Variants in TMEM255A observed in about 807,000 individuals in gnomAD.
TMEM255A encodes family with sequence similarity 70, member A.
TMEM255A carries 14 observed loss-of-function variants against 23.5 expected under a neutral mutation model. That is an observed-to-expected ratio of 0.60 (90% CI 0.39 to 0.93). The LOEUF is 0.93. TMEM255A is among the 40% of genes least tolerant of loss of function. The pLI is 0.00. For synonymous variants in TMEM255A, 104 were observed against 100.3 expected (o/e 1.04, Z -0.22); for missense variants, 233 against 261.7 (o/e 0.89, Z 0.76).
intron 8 of TMEM255A, among the ~76,000 whole-genome samples, chrX:120,261,430 G>A (rs1325529036): frequency 8.9e-6 from 1 of 112,441 alleles, no homozygotes; most frequent in Admixed American, 9.4e-5. Context: ...AACATTTAAT[G>A]ATATTAAGCC....
intron 8 of TMEM255A, among the ~76,000 whole-genome samples, chrX:120,264,194 C>G (rs1378323463): frequency 1.8e-5 from 2 of 111,322 alleles, no homozygotes; most frequent in African/African-American, 6.5e-5. Flanking sequence ...AATTTCCCAG[C>G]AGAAGTGAAA....
intron 8 of TMEM255A, among the ~76,000 whole-genome samples, chrX:120,263,850 A>G (rs2147178428): frequency 9.0e-6 from 1 of 111,320 alleles, no homozygotes; most frequent in Non-Finnish European, 1.9e-5. Flanking sequence ...GATAGCAACA[A>G]CAGCCTTCTA....
intron 1 of TMEM255A, among the ~76,000 whole-genome samples, chrX:120,305,642 A>G (rs2058059536): frequency 9.4e-6 from 1 of 106,798 alleles, no homozygotes; most frequent in Non-Finnish European, 1.9e-5. Context: ...TTGTTGAGAG[A>G]AGCCATGCAG....
At chrX:120,295,006 G>A (rs1381777799) in intron 2 of TMEM255A, among the ~76,000 whole-genome samples, 1 of 111,702 alleles carries the variant, frequency 9.0e-6, no homozygotes, top group African/African-American at 3.3e-5. Flanking sequence ...AGAAATGGCA[G>A]TGTAAAACCC....
At position 120,275,952 on chromosome X, in the gene TMEM255A, C is replaced by T. The variant is rs182735115; in HGVS notation, c.675+933G>A. ...GGACTACAGATATGTGCCACTACAC[C>T]CAGCTAATTAAAAAAAGTTGTTTTT... On this transcript the variant is annotated intron_variant, in intron 7 of 8. Transcript: ENST00000371369. Among the ~76,000 whole-genome samples, 380 of 108,735 alleles carry T rather than the reference C, an allele frequency of 3.5e-3. 1 individual carries two copies. Among genetic ancestry groups the T allele is most frequent in the African/African-American group, 0.012 (366 of 29,749 alleles). The allele number at this position is 108,735 out of a possible 115,157, so 94.4% of individuals were successfully genotyped here.
chrX:120,297,078 T>TA (rs1212034870), intron 2 of TMEM255A, among the ~76,000 whole-genome samples: 3 of 7,613 alleles, frequency 3.9e-4, no homozygotes, highest in Non-Finnish European at 4.7e-4. Context: ...ATATATTATA[T>TA]TATATTATAA....
chrX:120,285,970 T>C, intron 5 of TMEM255A: 3 of 1,101,316 alleles, frequency 2.7e-6, no homozygotes, highest in South Asian at 1.9e-5. Flanking sequence ...TGCTTTGTTA[T>C]AGAGAATATT....
chrX:120,261,231 A>C (rs2057677921), intron 8 of TMEM255A, among the ~76,000 whole-genome samples: 1 of 111,544 alleles, frequency 9.0e-6, no homozygotes, highest in Non-Finnish European at 1.9e-5. Context: ...GAAATAGGGA[A>C]TCCTCCTCTG....
intron 1 of TMEM255A, among the ~76,000 whole-genome samples, chrX:120,309,723 T>G (rs782512760): frequency 1.9e-4 from 21 of 110,749 alleles, no homozygotes; most frequent in Non-Finnish European, 3.4e-4. Flanking sequence ...GCTCTCGCGC[T>G]CTCTCTCTCT....
intron 7 of TMEM255A, among the ~76,000 whole-genome samples, chrX:120,270,803 G>T (rs1038856536): frequency 9.0e-6 from 1 of 110,512 alleles, no homozygotes; most frequent in Admixed American, 9.6e-5. Flanking sequence ...CAGCACCCCC[G>T]GGCCTCCCTG....
chrX:120,279,914 CTTTAT>C (rs1453540523), intron 6 of TMEM255A, among the ~76,000 whole-genome samples: 1 of 108,499 alleles, frequency 9.2e-6, no homozygotes, highest in Non-Finnish European at 1.9e-5. Flanking sequence ...GGTATTAACA[CTTTAT>C]TTTGTTTTTT....
chrX:120,309,500 C>T (rs2058085323), intron 1 of TMEM255A, among the ~76,000 whole-genome samples: 1 of 113,016 alleles, frequency 8.8e-6, no homozygotes, highest in African/African-American at 3.2e-5. Context: ...GGCGCTGTGG[C>T]TTGATTTGCA....
At chrX:120,257,638 G>C (rs1253604322), downstream of TMEM255A, 1 of 123,122 alleles carries the variant, frequency 8.1e-6, no homozygotes, top group Admixed American at 9.5e-5. Context: ...AGAGAAACTG[G>C]AAAATTAAAT....
At position 120,260,672 on chromosome X, in the gene TMEM255A, TCTGTGCTGCGTTCAGCCTGACCACCC is replaced by T. The variant is rs2147175732; in HGVS notation, c.*172_*197del. On this transcript the variant is annotated 3_prime_UTR_variant, in exon 9 of 9. Coordinates refer to ENST00000371369, the MANE Select transcript of TMEM255A (RefSeq NM_001104544.3). ...TTGCTTAGAGAATGTGAGCTGCCCT[TCTGTGCTGCGTTCAGCCTGACCACCC>T]CTGCTCTGCACTAATAATGAATAAG... 2.2e-6 allele frequency: 1 copy of T among 464,893 alleles called. No individual in the cohort carries two copies. The allele number at this position is 464,893 out of a possible 1,213,427, so 38.3% of individuals were successfully genotyped here. A position where few individuals can be genotyped will look rare whatever the true frequency, so the allele number is the denominator to read the frequency against.
At chrX:120,252,179 C>A in the TMEM255A span, among the ~76,000 whole-genome samples, 1 of 111,620 alleles carries the variant, frequency 9.0e-6, no homozygotes, top group Non-Finnish European at 1.9e-5. Context: ...TGAGACAGAA[C>A]TGCCCTCCAC....
At chrX:120,268,502 G>A (rs1462684992) in intron 7 of TMEM255A, 115 bp from the exon 8 acceptor site, 1 of 518,373 alleles carries the variant, frequency 1.9e-6, no homozygotes. Flanking sequence ...AAACAATGAT[G>A]TGGACCTATT....
rs1268824459 is a variant in TMEM255A, at chrX:120,311,338, C to T, written c.-29G>A. The T allele has an allele frequency of 3.5e-6, 4 of 1,153,580 alleles. No individual in the cohort carries two copies. The East Asian group carries it at 1.3e-4, about 37-fold the overall frequency. ...GAAAACTGCCCGGTTGCCCCAGTCC[C>T]CGAAGCTGCTTCAAGCGCCCCCGGC... On this transcript the variant is annotated 5_prime_UTR_variant, in exon 1 of 9. Coordinates refer to ENST00000371369, the MANE Select transcript of TMEM255A (RefSeq NM_001104544.3).
At chrX:120,295,631 T>A (rs370288130) in intron 2 of TMEM255A, among the ~76,000 whole-genome samples, 1 of 112,088 alleles carries the variant, frequency 8.9e-6, no homozygotes, top group South Asian at 3.7e-4. Flanking sequence ...CCATAAAATA[T>A]ACTGATTAAA....
In TMEM255A at chrX:120,277,059, G is replaced by A; in HGVS notation, c.513-12C>T. On this transcript the variant is annotated splice_polypyrimidine_tract_variant and intron_variant, in intron 6 of 8. Coordinates refer to ENST00000371369, the MANE Select transcript of TMEM255A (RefSeq NM_001104544.3). ...TGATCTCCACCCGGCTGGACAGGGA[G>A]GAGCATGCTCCAGTCAGTCCCCAGG... The A allele has an allele frequency of 8.3e-7, 1 of 1,202,574 alleles. No individual in the cohort carries two copies. The highest frequency in any genetic ancestry group is 1.1e-6 in the Non-Finnish European group (1 of 890,100).
Sources: gnomAD v4.1 joint callset for allele counts (sites outside exome capture counted in the v4.1 genomes callset) on GRCh38, gnomAD v4.1.1 for gene constraint, MANE v1.5 for transcripts, NCBI Gene and HGNC (gene_info 2026-07-23, HGNC 2026-07-21) for gene names.